PHACTR2: variants seen among roughly 807,000 people sequenced by gnomAD.
PHACTR2 encodes the protein chromosome 6 open reading frame 56.
A neutral mutation model predicts 76.0 loss-of-function variants in PHACTR2; 30 were observed. The ratio of observed to expected loss-of-function variants is 0.39; its 90% confidence interval spans 0.30 to 0.54. The LOEUF is 0.54. Among genes scored for constraint, PHACTR2 ranks in the 20% least tolerant of loss-of-function variants. The probability of loss-of-function intolerance (pLI) is 0.61; values close to 1 mark genes in which losing one functional copy is unlikely to be tolerated. For synonymous variants in PHACTR2, 292 were observed against 292.5 expected (o/e 1.00, Z 0.02); for missense variants, 696 against 781.1 (o/e 0.89, Z 1.30).
intron 2 of PHACTR2, among the ~76,000 whole-genome samples, chr6:143,747,598 A>G (rs191931917): frequency 1.6e-4 from 24 of 152,278 alleles, no homozygotes; most frequent in Admixed American, 6.5e-5. Context: ...ATTTGCAGAT[A>G]ATGAGCCCAG....
Position 143,805,119 on chromosome 6 carries a change from C to T in PHACTR2, c.1846-1938C>T, listed in dbSNP as rs149605872. 1.2e-3 allele frequency among the ~76,000 whole-genome samples: 189 copies of T among 152,290 alleles called. 1 individual carries two copies. The East Asian group carries it at 0.02, about 16-fold the overall frequency. ...CGCTTTTCACTTCCTCTGCTGAAAC[C>T]TTACATTTGGAGAAGAAATTTAAAA... On this transcript the variant is annotated intron_variant, in intron 11 of 12. Coordinates refer to ENST00000440869, the MANE Select transcript of PHACTR2 (RefSeq NM_001100164.2).
chr6:143,727,213 T>C (rs987987583), intron 2 of PHACTR2, among the ~76,000 whole-genome samples: 2 of 152,196 alleles, frequency 1.3e-5, no homozygotes, highest in African/African-American at 4.8e-5. Context: ...GTATTTGTCT[T>C]CCTGTGCCTG....
intron 1 of PHACTR2, among the ~76,000 whole-genome samples, chr6:143,685,299 A>G (rs1777489045): frequency 6.6e-6 from 1 of 152,052 alleles, no homozygotes; most frequent in African/African-American, 2.4e-5. Flanking sequence ...GAAAGTTGAA[A>G]AGGAAAATCA....
intron 2 of PHACTR2, among the ~76,000 whole-genome samples, chr6:143,740,740 A>C (rs966299891): frequency 1.3e-5 from 2 of 152,206 alleles, no homozygotes; most frequent in Non-Finnish European, 1.5e-5. Context: ...AACTTTAAAA[A>C]GTGTTCTGCT....
chr6:143,672,750 AGTCTCACTCT>A lies in PHACTR2; in HGVS notation c.14-39263_14-39254del, dbSNP rs1392929051. ...ATTTATTTATTTCTTTTTGAGACAG[AGTCTCACTCT>A]GTTGCCCAGGCTGGAATGCAATGGC... On this transcript the variant is annotated intron_variant, in intron 1 of 11. Transcript: ENST00000305766. This position sits in a 1 kb window ranked among gnomAD's most constrained non-coding sequence, Gnocchi z 5.8. Among the ~76,000 whole-genome samples the A allele has an allele frequency of 6.6e-6, 1 of 151,996 alleles. No homozygotes were observed. Among genetic ancestry groups the A allele is most frequent in the Non-Finnish European group, 1.5e-5 (1 of 67,980 alleles).
At chr6:143,628,142 GAA>G (rs148583903) in intron 1 of PHACTR2, among the ~76,000 whole-genome samples, 2,304 of 152,296 alleles carry the variant, frequency 0.015, 48 homozygotes, top group African/African-American at 0.052. Context: ...TTGTATGGCT[GAA>G]TAATATTCCA....
rs144724724 is a variant in PHACTR2 at position 143,667,433 on chromosome 6, G to A, written c.14-44583G>A. On this transcript the variant is annotated intron_variant, in intron 1 of 11. Coordinates refer to the PHACTR2 transcript ENST00000305766. ...CTTTGAAGTCAGTGGTAGCTTGATG[G>A]GGATAGCATTGAATCTATAAATTAC... Among the ~76,000 whole-genome samples, 136 of 152,254 alleles carry A rather than the reference G, an allele frequency of 8.9e-4. 1 individual carries two copies. The highest frequency in any genetic ancestry group is 3.4e-3 in the Middle Eastern group (1 of 292).
Position 143,803,092 on chromosome 6 carries a change from T to C in PHACTR2, c.1846-3965T>C, listed in dbSNP as rs1355988987. ...CAGAAGCTCATATTAATGGAAAGACTGTAGGATGTGAGGTTAAAAGGCTTG... is the reference window on the plus strand; with the variant it reads ...CAGAAGCTCATATTAATGGAAAGACCGTAGGATGTGAGGTTAAAAGGCTTG... On this transcript the variant is annotated intron_variant, in intron 11 of 12. Transcript: ENST00000440869. The surrounding 1 kb of genome is among the most constrained non-coding windows in gnomAD (Gnocchi z 4.7). Among the ~76,000 whole-genome samples, 2 of 152,202 alleles carry C rather than the reference T, an allele frequency of 1.3e-5. No homozygotes were observed. The highest frequency in any genetic ancestry group is 6.5e-5 in the Admixed American group (1 of 15,274).
At position 143,774,585 on chromosome 6, in the gene PHACTR2, T is replaced by C. The variant is rs930008912; in HGVS notation, c.1589+370T>C. On this transcript the variant is annotated intron_variant, in intron 8 of 12. Coordinates refer to ENST00000440869, the MANE Select transcript of PHACTR2 (RefSeq NM_001100164.2). The surrounding 1 kb of genome is among the most constrained non-coding windows in gnomAD (Gnocchi z 5.4). ...GAGTGTGGCCATGTTCCAATAAAAC[T>C]TTATTTATTCATAAAGCTGGATTTG... 2.3e-4 allele frequency among the ~76,000 whole-genome samples: 35 copies of C among 152,226 alleles called. No homozygotes were observed. Among genetic ancestry groups the C allele is most frequent in the African/African-American group, 8.0e-4 (33 of 41,456 alleles).
At chr6:143,665,155 T>G (rs777616211) in intron 1 of PHACTR2, among the ~76,000 whole-genome samples, 9 of 152,234 alleles carry the variant, frequency 5.9e-5, no homozygotes, top group Admixed American at 1.3e-4. Context: ...AGTGATTAAT[T>G]ACTTTTAGTG....
intron 6 of PHACTR2, among the ~76,000 whole-genome samples, chr6:143,771,162 A>G (rs866728876): frequency 0.082 from 2,741 of 33,508 alleles, 91 homozygotes; most frequent in East Asian, 0.16. Flanking sequence ...ATATATGTAT[A>G]TATATATATA....
intron 2 of PHACTR2, among the ~76,000 whole-genome samples, chr6:143,728,216 C>CTTTTTTTT (rs548709835): frequency 6.0e-5 from 5 of 83,744 alleles, no homozygotes; most frequent in African/African-American, 1.0e-4. Context: ...TTTTTTCTTT[C>CTTTTTTTT]TTTTTTTTTT....
intron 2 of PHACTR2, among the ~76,000 whole-genome samples, chr6:143,717,934 A>T (rs1056914001): frequency 6.6e-6 from 1 of 152,202 alleles, no homozygotes; most frequent in Non-Finnish European, 1.5e-5. Flanking sequence ...TTAAAATACT[A>T]ACAAAACATG....
intron 1 of PHACTR2, among the ~76,000 whole-genome samples, chr6:143,552,673 G>T (rs951381038): frequency 6.6e-6 from 1 of 152,100 alleles, no homozygotes; most frequent in African/African-American, 2.4e-5. Context: ...GAAGGCCAAG[G>T]CAGGTGGATC....
In PHACTR2 at chr6:143,711,996, C is replaced by G. The variant is rs1778185652; in HGVS notation, c.47-20C>G. On this transcript the variant is annotated intron_variant, in intron 1 of 12. Transcript: ENST00000440869. ...AACCTTTTTTACAACCTTTCTCTGT[C>G]TATATCTTTCTTTATACAGTTGACG... 3 of 1,601,780 alleles carry G rather than the reference C, an allele frequency of 1.9e-6. No individual in the cohort carries two copies. Among genetic ancestry groups the G allele is most frequent in the Non-Finnish European group, 1.7e-6 (2 of 1,173,102 alleles).
At chr6:143,587,430 T>A (rs933742396) in intron 1 of PHACTR2, among the ~76,000 whole-genome samples, 3 of 152,164 alleles carry the variant, frequency 2.0e-5, no homozygotes, top group African/African-American at 7.2e-5. Context: ...ATGTCTTTTA[T>A]TTCCAAAGTC....
intron 12 of PHACTR2, among the ~76,000 whole-genome samples, chr6:143,814,158 C>A (rs550900816): frequency 2.0e-4 from 30 of 152,216 alleles, no homozygotes; most frequent in African/African-American, 6.0e-4. Flanking sequence ...GAGTTCGAGA[C>A]GAGCTTGGCC....
rs954525938 is a variant in PHACTR2 at position 143,722,124 on chromosome 6, C to T, written c.214+9941C>T. Among the ~76,000 whole-genome samples, 3 of 152,216 alleles carry T rather than the reference C, an allele frequency of 2.0e-5. No individual in the cohort carries two copies. Among genetic ancestry groups the T allele is most frequent in the Admixed American group, 6.5e-5 (1 of 15,284 alleles). The stretch of plus-strand genomic sequence containing the variant: ...AGCTGGAAGTTCCCATGAAAACTCT[C>T]TATCACTTTTCTGCTTATTTAATGT... On this transcript the variant is annotated intron_variant, in intron 2 of 12. Coordinates refer to ENST00000440869, the MANE Select transcript of PHACTR2 (RefSeq NM_001100164.2). The surrounding 1 kb of genome is among the most constrained non-coding windows in gnomAD (Gnocchi z 4.1).
chr6:143,733,344 T>G lies in PHACTR2; in HGVS notation c.215-15641T>G, dbSNP rs528353531. ...CATGAGAACAGGGATTTTTGTTTTC[T>G]TCTTTGGTGAGATCTCAAAGAAACT... On this transcript the variant is annotated intron_variant, in intron 2 of 12. Transcript: ENST00000440869. This position sits in a 1 kb window ranked among gnomAD's most constrained non-coding sequence, Gnocchi z 4.0. Among the ~76,000 whole-genome samples the G allele has an allele frequency of 1.3e-5, 2 of 152,358 alleles. No homozygotes were observed. The highest frequency in any genetic ancestry group is 1.9e-4 in the East Asian group (1 of 5,188).
Sources: allele counts gnomAD v4.1 joint callset (sites outside exome capture counted in the v4.1 genomes callset), GRCh38; gene constraint gnomAD v4.1.1; non-coding constraint Gnocchi (gnomAD v3.1); transcripts MANE v1.5; gene names NCBI Gene and HGNC (gene_info 2026-07-23, HGNC 2026-07-21).